MOSPD2: variants seen among roughly 807,000 people sequenced by gnomAD.
The protein encoded by MOSPD2 is motile sperm domain-containing protein 2.
MOSPD2 carries 5 observed loss-of-function variants against 41.7 expected under a neutral mutation model. That is an observed-to-expected ratio of 0.12 (90% confidence interval 0.06 to 0.25). MOSPD2 has a LOEUF of 0.25. Ranked by LOEUF, MOSPD2 falls within the 10% of genes least tolerant of loss-of-function variation. The pLI, the probability that MOSPD2 is intolerant of heterozygous loss-of-function variation, is 1.00. For synonymous variants in MOSPD2, 115 were observed against 126.9 expected, an observed-to-expected ratio of 0.91 and a Z score of 0.63; for missense variants, 282 against 375.2, an observed-to-expected ratio of 0.75 and a Z score of 2.05.
chrX:14,886,217 A>G (rs1055332130), intron 2 of MOSPD2, among the ~76,000 whole-genome samples: 29 of 111,623 alleles, frequency 2.6e-4, no homozygotes, highest in African/African-American at 9.1e-4. Flanking sequence ...GAATGATTGT[A>G]GATAGTGTGC....
At position 14,919,843 on chromosome X, in the gene MOSPD2, C is replaced by T. The variant is rs200424002; in HGVS notation, c.*34C>T. The T allele has an allele frequency of 2.5e-5, 30 of 1,177,151 alleles. No individual in the cohort carries two copies. In the Admixed American group the frequency reaches 5.3e-4, roughly 21 times the overall value. On this transcript the variant is annotated 3_prime_UTR_variant, in exon 15 of 15. Coordinates refer to ENST00000380492, the MANE Select transcript of MOSPD2 (RefSeq NM_152581.4). ...TGCCGGGTAGGAACCACGGTTCCTTCGTCCATTAGTTGGAAAAAGTAACAG... is the reference window on the plus strand; with the variant it reads ...TGCCGGGTAGGAACCACGGTTCCTTTGTCCATTAGTTGGAAAAAGTAACAG...
intron 2 of MOSPD2, among the ~76,000 whole-genome samples, chrX:14,878,360 A>G (rs2092525144): frequency 8.9e-6 from 1 of 112,040 alleles, no homozygotes; most frequent in Admixed American, 9.4e-5. Flanking sequence ...TAGTCTTACC[A>G]CACCCTTACT....
At position 14,919,940 on chromosome X, in the gene MOSPD2, G is replaced by C; in HGVS notation, c.*131G>C. 9.3e-7 allele frequency: 1 copy of C among 1,076,021 alleles called. No individual in the cohort carries two copies. The highest frequency in any genetic ancestry group is 1.2e-6 in the Non-Finnish European group (1 of 833,395). The allele number at this position is 1,076,021 out of a possible 1,213,427, so 88.7% of individuals were successfully genotyped here. A position where few individuals can be genotyped will look rare whatever the true frequency, so the allele number is the denominator to read the frequency against. ...CCTAAAAGGAAATATGCAGCACGTG[G>C]AGGGGAACACATACATGTCTTGAAA... is the stretch of plus-strand genomic sequence containing the variant. On this transcript the variant is annotated 3_prime_UTR_variant, in exon 15 of 15. Transcript: ENST00000380492.
In MOSPD2 at chrX:14,918,667, T is replaced by C; in HGVS notation, c.1317-13T>C. On this transcript the variant is annotated splice_polypyrimidine_tract_variant and intron_variant, in intron 13 of 14. Transcript: ENST00000380492. ...ACTTTTTAAGAAGTTATGTTTTCTT[T>C]GGATTTTAATAGGTTAAGATGCCAT... 9.2e-7 allele frequency: 1 copy of C among 1,091,380 alleles called. No individual in the cohort carries two copies. The allele number at this position is 1,091,380 out of a possible 1,213,427, so 89.9% of individuals were successfully genotyped here. A position where few individuals can be genotyped will look rare whatever the true frequency, so the allele number is the denominator to read the frequency against.
At chrX:14,907,675 T>G (rs2092584579) in intron 7 of MOSPD2, among the ~76,000 whole-genome samples, 1 of 111,627 alleles carries the variant, frequency 9.0e-6, no homozygotes, top group Non-Finnish European at 1.9e-5. Context: ...GAAAATAGAT[T>G]AGTAGTTGCT....
chrX:14,873,770 G>GT lies in MOSPD2; in HGVS notation c.79+14dup. On this transcript the variant is annotated intron_variant, in intron 2 of 14. Transcript: ENST00000380492. Reference sequence around the variant, plus strand: ...TGAGTATGTGACAGGTGGGTACTCTGTTCCAGGTATTAAGAAAGGTGTGCA... The same window carrying GT: ...TGAGTATGTGACAGGTGGGTACTCTGTTTCCAGGTATTAAGAAAGGTGTGCA... The GT allele has an allele frequency of 8.4e-7, 1 of 1,186,353 alleles. No individual in the cohort carries two copies. Among genetic ancestry groups the GT allele is most frequent in the Non-Finnish European group, 1.1e-6 (1 of 872,204 alleles).
In MOSPD2 at chrX:14,920,815, G is replaced by A. The variant is rs1244577437; in HGVS notation, c.*1006G>A. On this transcript the variant is annotated 3_prime_UTR_variant, in exon 15 of 15. Coordinates refer to ENST00000380492, the MANE Select transcript of MOSPD2 (RefSeq NM_152581.4). Reference sequence around the variant, plus strand: ...AAATTTAGATTTTAAAATGTTCCCTGTAAAAGTCAGCCCATGACAAGGAAA... The same window carrying A: ...AAATTTAGATTTTAAAATGTTCCCTATAAAAGTCAGCCCATGACAAGGAAA... 1.3e-6 allele frequency: 1 copy of A among 751,171 alleles called. No homozygotes were observed. The highest frequency in any genetic ancestry group is 1.6e-6 in the Non-Finnish European group (1 of 638,430). 61.9% of individuals were successfully genotyped at this position (751,171 alleles called of 1,213,427 possible).
Position 14,877,233 on chromosome X carries a change from A to G in MOSPD2, c.79+3475A>G, listed in dbSNP as rs1005272057. Among the ~76,000 whole-genome samples, 3 of 112,465 alleles carry G rather than the reference A, an allele frequency of 2.7e-5. No individual in the cohort carries two copies. The South Asian group carries it at 1.1e-3, about 41-fold the overall frequency. ...AGGTTTGTTGTCTGGCTTTACAAGT[A>G]TATGAATTCATTTAAATTAATTTGG... On this transcript the variant is annotated intron_variant, in intron 2 of 14. Coordinates refer to ENST00000380492, the MANE Select transcript of MOSPD2 (RefSeq NM_152581.4).
At chrX:14,882,777 C>T (rs1346186270) in intron 2 of MOSPD2, among the ~76,000 whole-genome samples, 3 of 109,707 alleles carry the variant, frequency 2.7e-5, no homozygotes, top group African/African-American at 9.9e-5. Context: ...TTTTGCAATG[C>T]CTGATGAATG....
intron 9 of MOSPD2, 66 bp downstream of exon 9, chrX:14,911,479 C>T: frequency 1.2e-6 from 1 of 840,190 alleles, no homozygotes; most frequent in Non-Finnish European, 1.7e-6. Flanking sequence ...TGACACTAGC[C>T]AGCTGTGTGA....
intron 7 of MOSPD2, 64 bp downstream of exon 7, chrX:14,903,068 A>G: frequency 1.4e-6 from 1 of 740,590 alleles, no homozygotes; most frequent in Non-Finnish European, 2.1e-6. Flanking sequence ...CGATTTAGCC[A>G]TATTTCTACA....
chrX:14,907,638 T>C (rs969888515), intron 7 of MOSPD2, among the ~76,000 whole-genome samples: 2 of 112,164 alleles, frequency 1.8e-5, no homozygotes, highest in Admixed American at 9.5e-5. Context: ...ATATAAAATG[T>C]CCAAAATAAG....
At chrX:14,915,002 T>G (rs2092597934) in intron 11 of MOSPD2, among the ~76,000 whole-genome samples, 1 of 112,010 alleles carries the variant, frequency 8.9e-6, no homozygotes, top group Admixed American at 9.5e-5. Flanking sequence ...ATATCGGATA[T>G]TAACCTGATA....
At chrX:14,899,139 CT>C (rs1384049813) in intron 5 of MOSPD2, among the ~76,000 whole-genome samples, 1 of 82,974 alleles carries the variant, frequency 1.2e-5, no homozygotes, top group Non-Finnish European at 3.0e-5. Context: ...TTCATGGGTC[CT>C]CAAAAGGACG....
At chrX:14,883,671 C>T (rs190060376) in intron 2 of MOSPD2, among the ~76,000 whole-genome samples, 1 of 111,812 alleles carries the variant, frequency 8.9e-6, no homozygotes, top group Non-Finnish European at 1.9e-5. Flanking sequence ...CATTCACAGA[C>T]TATTTTAAAG....
intron 2 of MOSPD2, among the ~76,000 whole-genome samples, chrX:14,891,211 A>T (rs980349626): frequency 8.9e-6 from 1 of 112,106 alleles, no homozygotes; most frequent in Non-Finnish European, 1.9e-5. Context: ...ACTCAGGGAA[A>T]ATTTTATGGA....
chrX:14,903,708 G>A (rs1203042797), intron 7 of MOSPD2, among the ~76,000 whole-genome samples: 2 of 112,256 alleles, frequency 1.8e-5, no homozygotes, highest in South Asian at 7.2e-4. Flanking sequence ...GAAAGCAATA[G>A]AGAAAATCAA....
At position 14,882,968 on chromosome X, in the gene MOSPD2, G is replaced by A. The variant is rs773795875; in HGVS notation, c.79+9210G>A. On this transcript the variant is annotated intron_variant, in intron 2 of 14. Coordinates refer to ENST00000380492, the MANE Select transcript of MOSPD2 (RefSeq NM_152581.4). ...TCCCAGCACTTTGGGAGGCCAAGGC[G>A]GGTGGATCACAAGGTCAGAAGTTCA... is the stretch of plus-strand genomic sequence containing the variant. 2.7e-3 allele frequency among the ~76,000 whole-genome samples: 301 copies of A among 111,151 alleles called. 2 individuals carry two copies. The highest frequency in any genetic ancestry group is 7.1e-3 in the African/African-American group (216 of 30,622).
chrX:14,897,092 A>G lies in MOSPD2; in HGVS notation c.331A>G (p.Arg111Gly), dbSNP rs753107625. The G allele has an allele frequency of 8.4e-7, 1 of 1,189,731 alleles. No homozygotes were observed. The highest frequency in any genetic ancestry group is 1.9e-5 in the South Asian group (1 of 52,601). The part of the protein sequence containing the change: ...DKEGNKLFWI[R>G]VKYHVKDQKT... Reference sequence around the variant, plus strand: ...TTATCTTCTGCTTAAAGTCTGGATCAGGGTGAAGTATCATGTAAAAGACCA... The same window carrying G: ...TTATCTTCTGCTTAAAGTCTGGATCGGGGTGAAGTATCATGTAAAAGACCA... The change falls in exon 5 of 15, where the codon AGG becomes GGG. Residue 111 changes from arginine to glycine, a missense_variant. Physicochemically the swap from Arg to Gly is moderately radical, Grantham distance 125. Coordinates refer to ENST00000380492, the MANE Select transcript of MOSPD2 (RefSeq NM_152581.4).
Sources: gnomAD v4.1 joint callset for allele counts (sites outside exome capture counted in the v4.1 genomes callset) on GRCh38, gnomAD v4.1.1 for gene constraint, MANE v1.5 for transcripts, NCBI Gene and HGNC (gene_info 2026-07-23, HGNC 2026-07-21) for gene names.